RBFOX1: variants seen among roughly 807,000 people sequenced by gnomAD.
RBFOX1 encodes the protein RNA binding protein fox-1 homolog 1.
A neutral mutation model predicts 57.7 loss-of-function variants in RBFOX1; 8 were observed. The observed-to-expected ratio is 0.14, with a 90% CI of 0.08 to 0.25. The LOEUF (loss-of-function observed/expected upper bound fraction) is 0.25, where lower values mean the gene tolerates loss of function less well. Among genes scored for constraint, RBFOX1 ranks in the 10% least tolerant of loss-of-function variants. The pLI is 1.00. For synonymous variants in RBFOX1, 326 were observed against 222.4 expected (o/e 1.47, Z -4.15); for missense variants, 611 against 548.5 (o/e 1.11, Z -1.14).
chr16:7,159,669 G>A lies in RBFOX1; in HGVS notation c.27+107571G>A, dbSNP rs891303999. 2.0e-5 allele frequency among the ~76,000 whole-genome samples: 3 copies of A among 152,156 alleles called. No homozygotes were observed. In the South Asian group the frequency reaches 6.2e-4, roughly 32 times the overall value. The stretch of plus-strand genomic sequence containing the variant: ...GGTTCTGGAGAGCGCACAATTTGCA[G>A]AAGGCAGTTTTGTTTGGATCTGCCA... On this transcript the variant is annotated intron_variant, in intron 4 of 15. Transcript: ENST00000550418.
intron 4 of RBFOX1, among the ~76,000 whole-genome samples, chr16:5,989,048 C>T (rs557690219): frequency 3.3e-5 from 5 of 151,912 alleles, no homozygotes; most frequent in Non-Finnish European, 5.9e-5. Context: ...AAGCCAGGCG[C>T]GGTGGCTCAC....
chr16:6,004,595 A>G (rs528790728), intron 4 of RBFOX1, among the ~76,000 whole-genome samples: 2 of 152,316 alleles, frequency 1.3e-5, no homozygotes, highest in Non-Finnish European at 2.9e-5. Flanking sequence ...CTTATATGCT[A>G]TTCATTTAAC....
At chr16:6,780,580 A>G (rs1269920204) in intron 3 of RBFOX1, among the ~76,000 whole-genome samples, 3 of 139,242 alleles carry the variant, frequency 2.2e-5, no homozygotes, top group Non-Finnish European at 4.6e-5. Flanking sequence ...ATTTATATAT[A>G]TATTTATATA....
At chr16:5,320,805 G>A (rs2064380803) in intron 1 of RBFOX1, among the ~76,000 whole-genome samples, 1 of 152,142 alleles carries the variant, frequency 6.6e-6, no homozygotes, top group African/African-American at 2.4e-5. Flanking sequence ...GAGAGCTGGG[G>A]GCTCCAGGGA....
intron 3 of RBFOX1, among the ~76,000 whole-genome samples, chr16:6,763,083 C>A (rs187162522): frequency 6.6e-6 from 1 of 152,108 alleles, no homozygotes; most frequent in Non-Finnish European, 1.5e-5. Context: ...GACTGTATTA[C>A]GAGAACTTAT....
intron 1 of RBFOX1, among the ~76,000 whole-genome samples, chr16:6,122,820 G>GTGTGTGTGTGTGTGTGTGTGTC (rs1281559135): frequency 6.6e-6 from 1 of 151,812 alleles, no homozygotes; most frequent in African/African-American, 2.4e-5. Flanking sequence ...GTGTGTGTGT[G>GTGTGTGTGTGTGTGTGTGTGTC]TGTGTGTGTG....
intron 1 of RBFOX1, among the ~76,000 whole-genome samples, chr16:5,322,295 C>T (rs900853141): frequency 2.0e-5 from 3 of 152,156 alleles, no homozygotes; most frequent in Non-Finnish European, 2.9e-5. Flanking sequence ...CTCAGACTGC[C>T]TCTCAGATAC....
rs537934854 is a variant in RBFOX1, at chr16:7,002,919, C to G, written c.-15-49138C>G. Among the ~76,000 whole-genome samples the G allele has an allele frequency of 5.9e-5, 9 of 152,010 alleles. No individual in the cohort carries two copies. The South Asian group carries it at 8.3e-4, about 14-fold the overall frequency. On this transcript the variant is annotated intron_variant, in intron 3 of 15. Coordinates refer to ENST00000550418, the MANE Select transcript of RBFOX1 (RefSeq NM_018723.4). ...AAATCAGAATAACACAAGACAGAAA[C>G]TTAGGAAGTTAGAAAGTGTAAGAAT...
intron 3 of RBFOX1, among the ~76,000 whole-genome samples, chr16:6,936,311 T>C (rs1410653774): frequency 6.6e-6 from 1 of 152,222 alleles, no homozygotes; most frequent in Admixed American, 6.5e-5. Context: ...TTGTTGGAAA[T>C]GCAAGATATT....
chr16:6,939,636 T>G (rs189905284), intron 3 of RBFOX1, among the ~76,000 whole-genome samples: 334 of 151,956 alleles, frequency 2.2e-3, no homozygotes, highest in African/African-American at 7.7e-3. Flanking sequence ...CTCAACCACC[T>G]GAGTAGCTGC....
chr16:6,634,326 A>G (rs1385142535), intron 2 of RBFOX1, among the ~76,000 whole-genome samples: 4 of 152,080 alleles, frequency 2.6e-5, no homozygotes, highest in Non-Finnish European at 4.4e-5. Flanking sequence ...AGTCAAACCA[A>G]TAAGGTTCAT....
intron 1 of RBFOX1, among the ~76,000 whole-genome samples, chr16:5,393,519 T>C (rs2066469964): frequency 6.6e-6 from 1 of 152,126 alleles, no homozygotes; most frequent in South Asian, 2.1e-4. Flanking sequence ...CATTAGACTG[T>C]CACTTTTGAT....
intron 2 of RBFOX1, among the ~76,000 whole-genome samples, chr16:6,551,744 G>T (rs972745232): frequency 7.2e-5 from 11 of 152,172 alleles, no homozygotes; most frequent in Non-Finnish European, 1.0e-4. Context: ...TTGATAATAA[G>T]GCAGCAGTTG....
chr16:6,683,863 G>A (rs1204481747), intron 3 of RBFOX1, among the ~76,000 whole-genome samples: 1 of 152,174 alleles, frequency 6.6e-6, no homozygotes, highest in Non-Finnish European at 1.5e-5. Context: ...CAGCAAAGTG[G>A]AAATAACACT....
intron 1 of RBFOX1, among the ~76,000 whole-genome samples, chr16:6,277,532 G>C (rs1053803868): frequency 5.3e-5 from 8 of 149,748 alleles, no homozygotes; most frequent in Non-Finnish European, 7.4e-5. Context: ...AGCACTTTGA[G>C]AGGCTAAGGC....
At chr16:5,406,186 C>G (rs972184382) in intron 1 of RBFOX1, among the ~76,000 whole-genome samples, 1 of 151,976 alleles carries the variant, frequency 6.6e-6, no homozygotes, top group Non-Finnish European at 1.5e-5. Context: ...TACATGATGC[C>G]CAGATAGCTA....
rs560903517 is a variant in RBFOX1, at chr16:7,643,164, G to A, written c.758-10651G>A. Among the ~76,000 whole-genome samples the A allele has an allele frequency of 2.1e-4, 32 of 152,276 alleles. No homozygotes were observed. In the South Asian group the frequency reaches 6.2e-3, roughly 30 times the overall value. On this transcript the variant is annotated intron_variant, in intron 11 of 15. Coordinates refer to ENST00000550418, the MANE Select transcript of RBFOX1 (RefSeq NM_018723.4). ...CTACTGCCTTCGCTCAGAGACACAA[G>A]GACCTTACATGATCAAAGAATATTC...
At chr16:7,703,322 G>C (rs935818570) in intron 14 of RBFOX1, among the ~76,000 whole-genome samples, 2 of 152,154 alleles carry the variant, frequency 1.3e-5, no homozygotes, top group African/African-American at 4.8e-5. Flanking sequence ...TGTGTTGGGA[G>C]GGGTACAAGC....
intron 2 of RBFOX1, among the ~76,000 whole-genome samples, chr16:5,489,040 A>C (rs2042738920): frequency 6.6e-6 from 1 of 152,230 alleles, no homozygotes; most frequent in Non-Finnish European, 1.5e-5. Flanking sequence ...AAGAACGCCA[A>C]GGCAGAGATA....
Sources: allele counts gnomAD v4.1 joint callset (sites outside exome capture counted in the v4.1 genomes callset), GRCh38; gene constraint gnomAD v4.1.1; transcripts MANE v1.5; gene names NCBI Gene and HGNC (gene_info 2026-07-23, HGNC 2026-07-21).